ARAP2: variants seen among roughly 807,000 people sequenced by gnomAD.
ARAP2 encodes ArfGAP with RhoGAP domain, ankyrin repeat and PH domain 2, also known as arf-GAP with Rho-GAP domain, ANK repeat and PH domain-containing protein 2.
Under a neutral mutation model 194.5 loss-of-function variants are expected in ARAP2, and 148 were observed. The ratio of observed to expected loss-of-function variants is 0.76; its 90% CI spans 0.67 to 0.87. The LOEUF (loss-of-function observed/expected upper bound fraction) is 0.87. Among genes scored for constraint, ARAP2 ranks in the 40% least tolerant of loss-of-function variants. The pLI, the probability that ARAP2 is intolerant of heterozygous loss-of-function variation, is 0.00. For synonymous variants in ARAP2, 695 were observed against 683.5 expected, an observed-to-expected ratio of 1.02 and a Z score of -0.26; for missense variants, 2,128 against 1,989.7, an observed-to-expected ratio of 1.07 and a Z score of -1.32.
At chr4:36,185,301 T>C (rs1172606472) in intron 8 of ARAP2, among the ~76,000 whole-genome samples, 4 of 152,222 alleles carry the variant, frequency 2.6e-5, no homozygotes, top group African/African-American at 9.6e-5. Flanking sequence ...ATACACTATG[T>C]ACATAGATAG....
At chr4:36,112,775 T>C (rs966852809) in intron 26 of ARAP2, among the ~76,000 whole-genome samples, 2 of 151,224 alleles carry the variant, frequency 1.3e-5, no homozygotes, top group African/African-American at 4.9e-5. Flanking sequence ...ATAAGTACTA[T>C]AAAGAGAAAT....
intron 3 of ARAP2, among the ~76,000 whole-genome samples, chr4:36,047,927 G>A (rs902862366): frequency 2.0e-5 from 3 of 152,166 alleles, no homozygotes; most frequent in African/African-American, 7.2e-5. Flanking sequence ...TATGCAGTCA[G>A]AATCTTCTTG....
chr4:36,045,036 A>G (rs1340353952), intron 5 of ARAP2, among the ~76,000 whole-genome samples: 1 of 152,186 alleles, frequency 6.6e-6, no homozygotes, highest in East Asian at 1.9e-4. Context: ...TGGCTATCAT[A>G]AAAAAGATGT....
chr4:36,008,814 A>G (rs1713840097), intron 9 of ARAP2, among the ~76,000 whole-genome samples: 1 of 152,164 alleles, frequency 6.6e-6, no homozygotes, highest in East Asian at 1.9e-4. Flanking sequence ...AAGGTCTATT[A>G]TCCAGAATCT....
intron 6 of ARAP2, chr4:36,209,562 T>C (rs990121693): frequency 1.5e-5 from 5 of 326,556 alleles, no homozygotes; most frequent in Non-Finnish European, 3.0e-5. Context: ...ATTAAAATTA[T>C]TTTAGATCAA....
At chr4:36,031,489 G>A (rs1437126173) in intron 5 of ARAP2, among the ~76,000 whole-genome samples, 2 of 152,076 alleles carry the variant, frequency 1.3e-5, no homozygotes, top group Non-Finnish European at 2.9e-5. Flanking sequence ...AAGGAAATAA[G>A]TATTTATATT....
At chr4:36,156,395 GAAAGAAAGAA>G (rs1560549327) in intron 15 of ARAP2, among the ~76,000 whole-genome samples, 29 of 14,660 alleles carry the variant, frequency 2.0e-3, no homozygotes, top group Middle Eastern at 0.038. Context: ...GAGAGAGAAA[GAAAGAAAGAA>G]AGAAAGAAAG....
chr4:36,055,021 G>A (rs1723263438), intron 2 of ARAP2, among the ~76,000 whole-genome samples: 1 of 152,132 alleles, frequency 6.6e-6, no homozygotes, highest in South Asian at 2.1e-4. Flanking sequence ...AGTGATTGCA[G>A]GTTATGTCTT....
chr4:36,040,896 A>G (rs1720749949), intron 5 of ARAP2, among the ~76,000 whole-genome samples: 1 of 152,126 alleles, frequency 6.6e-6, no homozygotes, highest in African/African-American at 2.4e-5. Context: ...TGAAGAGAGA[A>G]GGCATTTTTG....
At chr4:36,198,578 C>A (rs900187595) in intron 6 of ARAP2, among the ~76,000 whole-genome samples, 8 of 152,230 alleles carry the variant, frequency 5.3e-5, no homozygotes, top group African/African-American at 1.9e-4. Flanking sequence ...TCCTCCCTCC[C>A]ATGCTCATCA....
intron 2 of ARAP2, among the ~76,000 whole-genome samples, chr4:36,217,415 G>A (rs1748180751): frequency 6.6e-6 from 1 of 152,210 alleles, no homozygotes; most frequent in Non-Finnish European, 1.5e-5. Context: ...AGATACTCGG[G>A]GTGGCTGAGG....
intron 15 of ARAP2, among the ~76,000 whole-genome samples, chr4:36,156,474 GA>G: frequency 7.5e-6 from 1 of 132,520 alleles, no homozygotes; most frequent in African/African-American, 3.0e-5. Context: ...AGAAATGAAA[GA>G]GAAGAAAGAA....
At chr4:36,156,389 GAGAAAGAAAGAAAGAAAGAAAGAAA>G (rs1732406864) in intron 15 of ARAP2, among the ~76,000 whole-genome samples, 13 of 12,564 alleles carry the variant, frequency 1.0e-3, no homozygotes, top group African/African-American at 3.3e-3. Context: ...AAGAGAGAGA[GAGAAAGAAAGAAAGAAAGAAAGAAA>G]GAAAGAAAGA....
At chr4:36,193,849 G>C (rs1429688166) in intron 6 of ARAP2, among the ~76,000 whole-genome samples, 1 of 152,118 alleles carries the variant, frequency 6.6e-6, no homozygotes, top group East Asian at 1.9e-4. Context: ...GTTGACCTAG[G>C]AATTTTTTGT....
chr4:36,105,329 A>AAAC (rs569735705), intron 27 of ARAP2, among the ~76,000 whole-genome samples: 1 of 151,966 alleles, frequency 6.6e-6, no homozygotes, highest in South Asian at 2.1e-4. Context: ...ATCTCAAAAC[A>AAAC]AACAACAACA....
chr4:36,116,273 A>G (rs1432147368), intron 25 of ARAP2, among the ~76,000 whole-genome samples: 1 of 151,916 alleles, frequency 6.6e-6, no homozygotes, highest in Non-Finnish European at 1.5e-5. Context: ...AAGTCCAAAT[A>G]TATCTAATGT....
chr4:36,125,342 A>C (rs1467248637), intron 21 of ARAP2, among the ~76,000 whole-genome samples: 1 of 152,004 alleles, frequency 6.6e-6, no homozygotes, highest in Non-Finnish European at 1.5e-5. Flanking sequence ...AGTTAAGCCA[A>C]AAGTATTTTA....
intron 9 of ARAP2, among the ~76,000 whole-genome samples, chr4:36,176,776 C>T (rs1034266723): frequency 6.6e-6 from 1 of 152,094 alleles, no homozygotes; most frequent in African/African-American, 2.4e-5. Flanking sequence ...ACATCTTCTC[C>T]TCCAAAATAT....
At chr4:36,009,874 T>G (rs1714084847) in intron 9 of ARAP2, among the ~76,000 whole-genome samples, 1 of 114,978 alleles carries the variant, frequency 8.7e-6, no homozygotes, top group Non-Finnish European at 1.9e-5. Flanking sequence ...AGCTCCTTGT[T>G]TTTTTTGGCG....
Sources: allele counts gnomAD v4.1 joint callset (sites outside exome capture counted in the v4.1 genomes callset), GRCh38; gene constraint gnomAD v4.1.1; transcripts MANE v1.5; gene names NCBI Gene and HGNC (gene_info 2026-07-23, HGNC 2026-07-21).